CPSF4L: variants seen among roughly 807,000 people sequenced by gnomAD.
CPSF4L encodes the protein cleavage and polyadenylation specific factor 4 like, also known as putative cleavage and polyadenylation specificity factor subunit 4-like protein.
CPSF4L carries 18 observed loss-of-function variants against 24.0 expected under a neutral mutation model. That is an observed-to-expected ratio of 0.75 (90% CI 0.52 to 1.11). CPSF4L has a LOEUF of 1.11. Ranked by LOEUF, CPSF4L falls within the 50% of genes least tolerant of loss-of-function variation. CPSF4L has a pLI of 0.00. For missense variants in CPSF4L, 211 were observed against 221.8 expected, an observed-to-expected ratio of 0.95 and a Z score of 0.31; for synonymous variants, 72 against 77.2, an observed-to-expected ratio of 0.93 and a Z score of 0.35.
At chr17:73,245,211 A>G, downstream of CPSF4L, 1 of 1,613,474 alleles carries the variant, frequency 6.2e-7, no homozygotes, top group East Asian at 2.2e-5. Context: ...GACATCACTT[A>G]AAGCTCTGGA....
chr17:73,243,644 T>G (rs1435845438), downstream of CPSF4L, among the ~76,000 whole-genome samples: 1 of 151,432 alleles, frequency 6.6e-6, no homozygotes, highest in African/African-American at 2.4e-5. Context: ...TTCTTCTGCC[T>G]CAGCCTCCTG....
rs1402010486 is a variant in CPSF4L at position 73,252,639 on chromosome 17, T to G, written c.488A>C (p.Gln163Pro). The change falls in exon 5 of 6, where the codon CAA (glutamine) becomes CCA (proline). Residue 163 changes from glutamine (Q) to proline (P), a missense_variant. Gln to Pro is a moderately conservative substitution (Grantham distance 76). Coordinates refer to ENST00000344935, the MANE Select transcript of CPSF4L (RefSeq NM_001129885.1). The stretch of plus-strand genomic sequence containing the variant: ...GAGGGATCATACTTACTGAGCAAAT[T>G]GGCACTTGGGTCCCTCGGGGCAGAA... ...VGFCPEGPKCQFAQKIREFKL... is the reference protein window; with the variant it reads ...VGFCPEGPKCPFAQKIREFKL... The G allele has an allele frequency of 2.1e-5, 33 of 1,548,234 alleles. No individual in the cohort carries two copies. The highest frequency in any genetic ancestry group is 2.6e-5 in the Non-Finnish European group (30 of 1,143,966).
At chr17:73,261,404 G>A (rs944022765) in intron 1 of CPSF4L, among the ~76,000 whole-genome samples, 3 of 152,228 alleles carry the variant, frequency 2.0e-5, no homozygotes, top group Non-Finnish European at 4.4e-5. Context: ...GCTCATGCCT[G>A]TAATCCCAGC....
At chr17:73,251,247 C>T (rs1367843994) in intron 5 of CPSF4L, 1 of 1,008,798 alleles carries the variant, frequency 9.9e-7, no homozygotes, top group Non-Finnish European at 1.3e-6. Context: ...TTTTAAGTGC[C>T]AAAAGCATAC....
chr17:73,245,638 C>T (rs2061940072), downstream of CPSF4L: 4 of 985,224 alleles, frequency 4.1e-6, no homozygotes, highest in South Asian at 1.9e-4. Context: ...CCACATCAGG[C>T]CCTTCCCCTT....
intron 3 of CPSF4L, among the ~76,000 whole-genome samples, chr17:73,254,445 G>A (rs2062016809): frequency 6.6e-6 from 1 of 152,228 alleles, no homozygotes; most frequent in Non-Finnish European, 1.5e-5. Flanking sequence ...TAGGGAAGCT[G>A]TTCCCCTTGG....
At chr17:73,257,545 G>A (rs2062028349) in intron 3 of CPSF4L, 136 bp downstream of exon 3, 2 of 849,628 alleles carry the variant, frequency 2.4e-6, no homozygotes, top group Non-Finnish European at 3.6e-6. Context: ...AGACACCTGA[G>A]ACTCAGACAG....
rs1392857076 is a variant in CPSF4L, at chr17:73,253,920, C to T, written c.403+11G>A. On this transcript the variant is annotated intron_variant, in intron 4 of 5. Transcript: ENST00000344935. Reference sequence around the variant, plus strand: ...ACAGCCCCTAGGGCTCCCTGGCTTCCAAGGCCTCACCGTCCTTGCAGAAAC... The same window carrying T: ...ACAGCCCCTAGGGCTCCCTGGCTTCTAAGGCCTCACCGTCCTTGCAGAAAC... 4.5e-6 allele frequency: 7 copies of T among 1,547,064 alleles called. No individual in the cohort carries two copies. The South Asian group carries it at 8.3e-5, about 18-fold the overall frequency.
intron 5 of CPSF4L, 196 bp from the exon 6 acceptor site, chr17:73,248,732 G>C: frequency 1.6e-6 from 1 of 622,294 alleles, no homozygotes; most frequent in South Asian, 1.9e-5. Flanking sequence ...ACTCACACGT[G>C]GTCTGTGTAA....
intron 5 of CPSF4L, chr17:73,250,986 C>A: frequency 6.5e-7 from 1 of 1,542,688 alleles, no homozygotes; most frequent in Admixed American, 2.0e-5. Flanking sequence ...GTGGCACAGG[C>A]CCTGCCCTTG....
chr17:73,249,222 C>A (rs1003986255), intron 5 of CPSF4L, among the ~76,000 whole-genome samples: 1 of 152,206 alleles, frequency 6.6e-6, no homozygotes, highest in African/African-American at 2.4e-5. Context: ...TAAATTCCAA[C>A]CTTGAACGGA....
At chr17:73,246,158 C>T (rs1013695467), downstream of CPSF4L, among the ~76,000 whole-genome samples, 6 of 152,214 alleles carry the variant, frequency 3.9e-5, no homozygotes, top group African/African-American at 1.4e-4. Context: ...CACACGCACA[C>T]ACCCGTCTGT....
At chr17:73,261,025 G>A in intron 1 of CPSF4L, 42 bp from the exon 2 acceptor site, 2 of 1,511,666 alleles carry the variant, frequency 1.3e-6, no homozygotes, top group African/African-American at 1.4e-5. Flanking sequence ...CTTCCCCAGA[G>A]GCTGCAGCTG....
At chr17:73,252,045 G>T (rs2062007969) in intron 5 of CPSF4L, among the ~76,000 whole-genome samples, 2 of 152,264 alleles carry the variant, frequency 1.3e-5, no homozygotes, top group South Asian at 4.1e-4. Context: ...AAAGGAGAGT[G>T]AGGGTTCGCT....
intron 2 of CPSF4L, among the ~76,000 whole-genome samples, chr17:73,258,332 G>A (rs1016436136): frequency 1.9e-4 from 29 of 150,830 alleles, no homozygotes; most frequent in Non-Finnish European, 1.2e-4. Flanking sequence ...TTGAGATGGC[G>A]TCTCGCTCTG....
chr17:73,254,775 C>T (rs564376455), intron 3 of CPSF4L, among the ~76,000 whole-genome samples: 1 of 152,298 alleles, frequency 6.6e-6, no homozygotes, highest in South Asian at 2.1e-4. Context: ...TCCCAAGTAG[C>T]TGGGATTACA....
At chr17:73,253,798 A>C in intron 4 of CPSF4L, 133 bp downstream of exon 4, 1 of 587,856 alleles carries the variant, frequency 1.7e-6, no homozygotes, top group Non-Finnish European at 3.0e-6. Context: ...GAGCTGGAGG[A>C]GAACTACAGA....
rs182020766 is a variant in CPSF4L, at chr17:73,253,960, G to A, written c.374C>T (p.Pro125Leu). The change falls in exon 4 of 6, where the codon CCT (proline) becomes CTT (leucine). Residue 125 changes from proline to leucine, a missense_variant. Physicochemically the swap from Pro to Leu is moderately conservative, Grantham distance 98. Coordinates refer to ENST00000344935, the MANE Select transcript of CPSF4L (RefSeq NM_001129885.1). ...VKPAFKSQDC[P>L]WYDQGFCKDG... is the part of the protein sequence containing the mutation. The stretch of plus-strand genomic sequence containing the variant: ...CTTGCAGAAACCTTGGTCATACCAA[G>A]GACAGTCCTGGGACTTGAAAGCTGG... 5 of 1,551,626 alleles carry A rather than the reference G, an allele frequency of 3.2e-6. No individual in the cohort carries two copies. Among genetic ancestry groups the A allele is most frequent in the Non-Finnish European group, 4.4e-6 (5 of 1,146,944 alleles).
At chr17:73,242,817 T>G in the CPSF4L span, 1 of 1,120,076 alleles carries the variant, frequency 8.9e-7, no homozygotes, top group Non-Finnish European at 1.3e-6. Context: ...TCAGGCTAAC[T>G]GGGAAAACTT....
Sources: gnomAD v4.1 joint callset for allele counts (sites outside exome capture counted in the v4.1 genomes callset) on GRCh38, gnomAD v4.1.1 for gene constraint, MANE v1.5 for transcripts, NCBI Gene and HGNC (gene_info 2026-07-23, HGNC 2026-07-21) for gene names.